Variants in L1TD1 observed in about 807,000 individuals in gnomAD.
The protein encoded by L1TD1 is LINE1 type transposase domain containing 1.
Under a neutral mutation model 25.7 loss-of-function variants are expected in L1TD1, and 26 were observed. The observed-to-expected ratio is 1.01, with a 90% CI of 0.74 to 1.40. The LOEUF is 1.40. Ranked by LOEUF, L1TD1 falls within the 40% of genes most tolerant of loss-of-function variation. The pLI, the probability that L1TD1 is intolerant of heterozygous loss-of-function variation, is 0.00. For synonymous variants in L1TD1, 421 were observed against 335.6 expected, an observed-to-expected ratio of 1.25 and a Z score of -2.78; for missense variants, 1,130 against 975.0, an observed-to-expected ratio of 1.16 and a Z score of -2.12.
At position 62,210,025 on chromosome 1, in the gene L1TD1, A is replaced by G. The variant is rs1358636918; in HGVS notation, c.1251A>G (p.Glu417=). ...AGCCCTCAGGGCTGGAGGAGGAAGA[A>G]GAAGAAGAGGCTTCAGGGTTGGAGG... ...EEEPSGLEEE[E]EEEASGLEED... The change falls in exon 4 of 4, where the codon GAA becomes GAG. Residue 417 remains glutamate (E), a synonymous_variant. Transcript: ENST00000498273. 6.2e-7 allele frequency: 1 copy of G among 1,612,070 alleles called. No individual in the cohort carries two copies. Among genetic ancestry groups the G allele is most frequent in the African/African-American group, 1.3e-5 (1 of 74,880 alleles).
chr1:62,202,669 A>AT (rs35815437), intron 2 of L1TD1, among the ~76,000 whole-genome samples: 4,474 of 71,824 alleles, frequency 0.062, 282 homozygotes, highest in African/African-American at 0.079. Flanking sequence ...CCAGGGTTTA[A>AT]TTTTTTTTTT....
intron 2 of L1TD1, among the ~76,000 whole-genome samples, chr1:62,197,379 C>T (rs909052227): frequency 8.1e-6 from 1 of 122,870 alleles, no homozygotes; most frequent in Non-Finnish European, 1.7e-5. Flanking sequence ...AGTGAGACGC[C>T]CTCTCAAAAA....
In L1TD1 at chr1:62,210,631, T is replaced by G; in HGVS notation, c.1857T>G (p.Ser619Arg). ...AGGAAACAGAAGAAAACTTGAGAAG[T>G]AGTGTGATTAATAGCATCAGAGAGA... The part of the protein sequence containing the change: ...LTEETEENLR[S>R]SVINSIREIK... The change falls in exon 4 of 4, where the codon AGT (serine) becomes AGG (arginine). Residue 619 changes from serine (S) to arginine (R), a missense_variant. Ser to Arg is a moderately radical substitution (Grantham distance 110). Transcript: ENST00000498273. 1 of 1,589,596 alleles carries G rather than the reference T, an allele frequency of 6.3e-7. No homozygotes were observed. Among genetic ancestry groups the G allele is most frequent in the Non-Finnish European group, 8.6e-7 (1 of 1,167,340 alleles).
In L1TD1 at chr1:62,211,481, C is replaced by T. The variant is rs181261741; in HGVS notation, c.*109C>T. On this transcript the variant is annotated 3_prime_UTR_variant, in exon 4 of 4. Coordinates refer to ENST00000498273, the MANE Select transcript of L1TD1 (RefSeq NM_019079.5). ...ACCCAGAAGGATGGACAGCTAATAGCGTACTTGGGGATGAGGAGCAAGGAA... is the reference window on the plus strand; with the variant it reads ...ACCCAGAAGGATGGACAGCTAATAGTGTACTTGGGGATGAGGAGCAAGGAA... 84 of 1,479,952 alleles carry T rather than the reference C, an allele frequency of 5.7e-5. No homozygotes were observed. In the Middle Eastern group the frequency reaches 7.6e-4, roughly 13 times the overall value. The allele number at this position is 1,479,952 out of a possible 1,614,324, so 91.7% of individuals were successfully genotyped here.
chr1:62,207,880 T>G (rs139494965), intron 3 of L1TD1, among the ~76,000 whole-genome samples: 5,332 of 152,126 alleles, frequency 0.035, 107 homozygotes, highest in Non-Finnish European at 0.049. Context: ...GCCCAGATAA[T>G]TTTGTATTTT....
In L1TD1 at chr1:62,211,371, A is replaced by G; in HGVS notation, c.2597A>G (p.Ter866TrpextTer22). 6.3e-7 allele frequency: 1 copy of G among 1,583,972 alleles called. No individual in the cohort carries two copies. The highest frequency in any genetic ancestry group is 8.6e-7 in the Non-Finnish European group (1 of 1,167,100). Residue 866 changes from the stop codon to tryptophan (W), a stop_lost, in exon 4 of 4, where the codon TAG (stop) becomes TGG (tryptophan). Coordinates refer to ENST00000498273, the MANE Select transcript of L1TD1 (RefSeq NM_019079.5). The part of the protein sequence containing the change: ...LRELLGNNIP[*>W] ...GAATTACTGGGGAATAATATACCTT[A>G]GCACGCCAGGGTGACTACAAACAAT...
At chr1:62,197,082 C>G (rs1670557056) in intron 2 of L1TD1, among the ~76,000 whole-genome samples, 1 of 151,968 alleles carries the variant, frequency 6.6e-6, no homozygotes, top group South Asian at 2.1e-4. Context: ...TGCATTCTCA[C>G]TACTTCAAGA....
At chr1:62,196,220 G>A (rs746389756) in intron 1 of L1TD1, among the ~76,000 whole-genome samples, 1 of 151,948 alleles carries the variant, frequency 6.6e-6, no homozygotes, top group African/African-American at 2.4e-5. Flanking sequence ...CATTCTCTCC[G>A]GCCCCTCCCT....
In L1TD1 at chr1:62,210,533, A is replaced by C. The variant is rs150779448; in HGVS notation, c.1759A>C (p.Lys587Gln). 165 of 1,612,768 alleles carry C rather than the reference A, an allele frequency of 1.0e-4. 1 individual carries two copies. Among genetic ancestry groups the C allele is most frequent in the Middle Eastern group, 6.6e-4 (4 of 6,074 alleles). Residue 587 changes from lysine to glutamine, a missense_variant, in exon 4 of 4, where the codon AAG becomes CAG. Coordinates refer to ENST00000498273, the MANE Select transcript of L1TD1 (RefSeq NM_019079.5). ...TATTTCAACAGGAGTCACCAAACTT[A>C]AGAAAACAGAAGAAAAGAAACACAG... is the stretch of plus-strand genomic sequence containing the variant. ...LSISTGVTKL[K>Q]KTEEKKHRTL... is the part of the protein sequence containing the mutation.
chr1:62,200,515 G>A (rs1670621746), intron 2 of L1TD1, among the ~76,000 whole-genome samples: 1 of 151,600 alleles, frequency 6.6e-6, no homozygotes, highest in Admixed American at 6.6e-5. Context: ...ATGTATTTAT[G>A]TACTTATATA....
intron 2 of L1TD1, among the ~76,000 whole-genome samples, chr1:62,205,632 C>T (rs1670731659): frequency 6.6e-6 from 1 of 151,028 alleles, no homozygotes; most frequent in Non-Finnish European, 1.5e-5. Flanking sequence ...GGTTTTGCCA[C>T]GTTGGCCAGG....
In L1TD1 at chr1:62,211,081, TAAAG is replaced by T. The variant is rs1316859252; in HGVS notation, c.2309_2312del (p.Lys770ArgfsTer3). ...TGGTGAAATTTTGGAATTCTAGTGA[TAAAG>T]AGAAAATAATAAGGGCTTCTAGAGA... is the stretch of plus-strand genomic sequence containing the variant. On this transcript the variant is annotated frameshift_variant, in exon 4 of 4. Coordinates refer to ENST00000498273, the MANE Select transcript of L1TD1 (RefSeq NM_019079.5). LOFTEE classifies it low-confidence loss of function (END_TRUNC). The T allele has an allele frequency of 4.5e-6, 7 of 1,550,354 alleles. No homozygotes were observed. The Admixed American group carries it at 1.2e-4, about 26-fold the overall frequency.
chr1:62,211,628 C>A lies in L1TD1; in HGVS notation c.*256C>A. The A allele has an allele frequency of 2.7e-6, 1 of 363,784 alleles. No individual in the cohort carries two copies. The highest frequency in any genetic ancestry group is 8.5e-4 in the Middle Eastern group (1 of 1,178). 22.5% of individuals were successfully genotyped at this position (363,784 alleles called of 1,614,324 possible). A position where few individuals can be genotyped will look rare whatever the true frequency, so the allele number is the denominator to read the frequency against. ...ACAGATAGAATTCCTTGTTTTACTT[C>A]CCCCCCACCACCTCCCTACTGCAGT... On this transcript the variant is annotated 3_prime_UTR_variant, in exon 4 of 4. Coordinates refer to ENST00000498273, the MANE Select transcript of L1TD1 (RefSeq NM_019079.5).
rs1440066628 is a variant in L1TD1, at chr1:62,205,373, T to TTCTCTCTCCCTCTCTCTC, written c.-110-1138_-110-1137insCCTCTCTCTCTCTCTCTC. The stretch of plus-strand genomic sequence containing the variant: ...AAAATAAAACCAACGAAAACTCTCT[T>TTCTCTCTCCCTCTCTCTC]TCTCTCTCTCTCTCTTTCTCTCTCT... On this transcript the variant is annotated intron_variant, in intron 2 of 3. Coordinates refer to ENST00000498273, the MANE Select transcript of L1TD1 (RefSeq NM_019079.5). Among the ~76,000 whole-genome samples, 21 of 90,196 alleles carry TTCTCTCTCCCTCTCTCTC rather than the reference T, an allele frequency of 2.3e-4. 2 individuals are homozygous for TTCTCTCTCCCTCTCTCTC. The highest frequency in any genetic ancestry group is 2.8e-4 in the Non-Finnish European group (12 of 43,334). 59.2% of individuals were successfully genotyped at this position (90,196 alleles called of 152,430 possible). A position where few individuals can be genotyped will look rare whatever the true frequency, so the allele number is the denominator to read the frequency against.
At chr1:62,201,928 G>A (rs182388435) in intron 2 of L1TD1, among the ~76,000 whole-genome samples, 315 of 152,252 alleles carry the variant, frequency 2.1e-3, no homozygotes, top group Admixed American at 4.7e-3. Context: ...GGACCTGTCC[G>A]GTGGACTATT....
At chr1:62,195,555 C>T (rs557996475) in intron 1 of L1TD1, among the ~76,000 whole-genome samples, 1 of 151,606 alleles carries the variant, frequency 6.6e-6, no homozygotes, top group East Asian at 2.0e-4. Context: ...GAGTTCGAGA[C>T]CATCCTGACC....
At chr1:62,209,014 C>G (rs1670806846) in intron 3 of L1TD1, among the ~76,000 whole-genome samples, 2 of 152,130 alleles carry the variant, frequency 1.3e-5, no homozygotes, top group South Asian at 4.1e-4. Context: ...GGTTGAAAAG[C>G]TCAGTGGCAG....
chr1:62,202,537 T>G (rs1670659837), intron 2 of L1TD1, among the ~76,000 whole-genome samples: 1 of 127,418 alleles, frequency 7.8e-6, no homozygotes, highest in Admixed American at 8.2e-5. Flanking sequence ...GCTTTTTTCT[T>G]TTTCTTTTCT....
chr1:62,205,173 C>T (rs1019521719), intron 2 of L1TD1, among the ~76,000 whole-genome samples: 31 of 151,444 alleles, frequency 2.0e-4, no homozygotes, highest in Admixed American at 6.6e-4. Flanking sequence ...ATGGTGAAAC[C>T]TCGTCTCCAC....
Sources: gnomAD v4.1 joint callset for allele counts (sites outside exome capture counted in the v4.1 genomes callset) on GRCh38, gnomAD v4.1.1 for gene constraint, MANE v1.5 for transcripts, NCBI Gene and HGNC (gene_info 2026-07-23, HGNC 2026-07-21) for gene names.